Variants in UBE2R2 observed in about 807,000 individuals in gnomAD.
UBE2R2 encodes the protein ubiquitin-conjugating enzyme E2 R2.
In UBE2R2, 1 loss-of-function variant was observed where a neutral mutation model predicts 27.8. The ratio of observed to expected loss-of-function variants is 0.04; its 90% CI spans 0.01 to 0.17. The LOEUF (loss-of-function observed/expected upper bound fraction) is 0.17, where lower values mean the gene tolerates loss of function less well. Ranked by LOEUF, UBE2R2 falls within the 10% of genes least tolerant of loss-of-function variation. The pLI is 1.00. For synonymous variants in UBE2R2, 106 were observed against 113.3 expected (o/e 0.94, Z 0.41); for missense variants, 100 against 291.0 (o/e 0.34, Z 4.78).
chr9:33,858,913 T>C (rs1482826579), intron 1 of UBE2R2, among the ~76,000 whole-genome samples: 1 of 151,854 alleles, frequency 6.6e-6, no homozygotes, highest in Non-Finnish European at 1.5e-5. Context: ...CAACTTCTGC[T>C]CCCCTGGGTT....
intron 1 of UBE2R2, among the ~76,000 whole-genome samples, chr9:33,849,716 G>GCACC (rs1820922857): frequency 6.6e-6 from 1 of 151,434 alleles, no homozygotes; most frequent in African/African-American, 2.4e-5. Flanking sequence ...AAGTCAGGCG[G>GCACC]TGTGGTGGCA....
At chr9:33,836,767 A>AT (rs200443376) in intron 1 of UBE2R2, among the ~76,000 whole-genome samples, 3,295 of 145,536 alleles carry the variant, frequency 0.023, 84 homozygotes, top group African/African-American at 0.061. Flanking sequence ...CAAAAAAAAA[A>AT]AATATATATA....
At chr9:33,868,690 C>G (rs541516068) in intron 1 of UBE2R2, 1 of 152,100 alleles carries the variant, frequency 6.6e-6, no homozygotes, top group Non-Finnish European at 1.5e-5. Flanking sequence ...TACCCTCCCC[C>G]CAAAAAATAT....
chr9:33,874,703 G>A (rs545539000), intron 1 of UBE2R2, among the ~76,000 whole-genome samples: 10 of 151,910 alleles, frequency 6.6e-5, no homozygotes, highest in African/African-American at 2.4e-4. Flanking sequence ...ACAGGGTCTC[G>A]ACTTGTCTCC....
chr9:33,839,457 C>T (rs1476148584), intron 1 of UBE2R2, among the ~76,000 whole-genome samples: 2 of 151,496 alleles, frequency 1.3e-5, no homozygotes, highest in African/African-American at 2.4e-5. Flanking sequence ...AGGCTGGTCT[C>T]GAACTCCTGA....
chr9:33,836,768 AAT>A (rs1554671531), intron 1 of UBE2R2, among the ~76,000 whole-genome samples: 7 of 147,614 alleles, frequency 4.7e-5, no homozygotes, highest in Admixed American at 6.8e-5. Context: ...AAAAAAAAAA[AAT>A]ATATATATAT....
intron 1 of UBE2R2, among the ~76,000 whole-genome samples, chr9:33,842,340 G>A (rs1259945505): frequency 6.6e-6 from 1 of 152,192 alleles, no homozygotes; most frequent in East Asian, 1.9e-4. Flanking sequence ...GGTTGCGGCT[G>A]CAGTGAGCCT....
intron 1 of UBE2R2, among the ~76,000 whole-genome samples, chr9:33,845,441 G>C (rs1418268085): frequency 4.6e-5 from 7 of 151,484 alleles, no homozygotes; most frequent in Admixed American, 1.3e-4. Context: ...GTAGAGACGG[G>C]GTTTCACTGT....
chr9:33,902,778 A>C (rs1426944735), intron 3 of UBE2R2, among the ~76,000 whole-genome samples: 2 of 152,216 alleles, frequency 1.3e-5, no homozygotes, highest in East Asian at 3.8e-4. Flanking sequence ...TTATCTCGAT[A>C]GACTCAATTT....
intron 1 of UBE2R2, among the ~76,000 whole-genome samples, chr9:33,854,494 A>G (rs1471047470): frequency 3.3e-5 from 5 of 150,778 alleles, no homozygotes; most frequent in Admixed American, 1.3e-4. Context: ...TAGTTTTTGT[A>G]TTTTTTTTGT....
At chr9:33,890,789 G>A (rs1760952239) in intron 2 of UBE2R2, among the ~76,000 whole-genome samples, 1 of 152,188 alleles carries the variant, frequency 6.6e-6, no homozygotes, top group Non-Finnish European at 1.5e-5. Flanking sequence ...CAGCCTGGGC[G>A]ACAGAGCAAG....
intron 1 of UBE2R2, among the ~76,000 whole-genome samples, chr9:33,823,591 G>T (rs188611428): frequency 6.6e-6 from 1 of 152,104 alleles, no homozygotes; most frequent in Admixed American, 6.5e-5. Flanking sequence ...GTCCAGGCTG[G>T]TCTCAAACTC....
intron 3 of UBE2R2, among the ~76,000 whole-genome samples, chr9:33,902,010 C>A (rs922493038): frequency 6.6e-6 from 1 of 150,684 alleles, no homozygotes; most frequent in Admixed American, 6.6e-5. Flanking sequence ...ACCTCCCGGG[C>A]TTGAGCAATC....
At chr9:33,826,633 A>C (rs1446688839) in intron 1 of UBE2R2, among the ~76,000 whole-genome samples, 1 of 146,572 alleles carries the variant, frequency 6.8e-6, no homozygotes, top group Non-Finnish European at 1.5e-5. Context: ...AGAGGCGGAG[A>C]GGTTGCAGTG....
At chr9:33,880,255 G>T (rs1289466512) in intron 1 of UBE2R2, among the ~76,000 whole-genome samples, 1 of 152,064 alleles carries the variant, frequency 6.6e-6, no homozygotes, top group Non-Finnish European at 1.5e-5. Context: ...ATTTTTTCCA[G>T]TGTAGGCAAT....
chr9:33,914,785 C>T (rs577320160), intron 4 of UBE2R2, among the ~76,000 whole-genome samples: 117 of 150,800 alleles, frequency 7.8e-4, no homozygotes, highest in Non-Finnish European at 1.3e-3. Flanking sequence ...GCTGAGATCG[C>T]GCCACTGCAC....
intron 1 of UBE2R2, among the ~76,000 whole-genome samples, chr9:33,863,122 A>C (rs992667125): frequency 1.3e-5 from 2 of 149,648 alleles, no homozygotes; most frequent in African/African-American, 4.9e-5. Flanking sequence ...CGGGAGGCAG[A>C]GGTTGCAGTG....
chr9:33,822,096 AT>A (rs57690053), intron 1 of UBE2R2, among the ~76,000 whole-genome samples: 37 of 145,060 alleles, frequency 2.6e-4, no homozygotes, highest in Admixed American at 4.8e-4. Context: ...ATATATATAT[AT>A]TTTTTTTTTT....
intron 1 of UBE2R2, among the ~76,000 whole-genome samples, chr9:33,878,732 T>A (rs186921003): frequency 6.6e-6 from 1 of 151,980 alleles, no homozygotes; most frequent in Non-Finnish European, 1.5e-5. Context: ...TTGGTAGAGA[T>A]TTTATAGGAT....
Sources: gnomAD v4.1 joint callset for allele counts (sites outside exome capture counted in the v4.1 genomes callset) on GRCh38, gnomAD v4.1.1 for gene constraint, MANE v1.5 for transcripts, NCBI Gene and HGNC (gene_info 2026-07-23, HGNC 2026-07-21) for gene names.